LCP2: variants seen among roughly 807,000 people sequenced by gnomAD.
LCP2 encodes 76 kDa tyrosine phosphoprotein.
LCP2 carries 29 observed loss-of-function variants against 74.5 expected under a neutral mutation model. That is an observed-to-expected ratio of 0.39 (90% CI 0.29 to 0.53). The LOEUF (loss-of-function observed/expected upper bound fraction) is 0.53, where lower values mean the gene tolerates loss of function less well. Ranked by LOEUF, LCP2 falls within the 20% of genes least tolerant of loss-of-function variation. The pLI, the probability that LCP2 is intolerant of heterozygous loss-of-function variation, is 0.72. For missense variants in LCP2, 604 were observed against 634.6 expected, an observed-to-expected ratio of 0.95 and a Z score of 0.52; for synonymous variants, 228 against 229.5, an observed-to-expected ratio of 0.99 and a Z score of 0.06.
At chr5:170,255,867 A>G (rs937711688) in intron 17 of LCP2, among the ~76,000 whole-genome samples, 9 of 152,210 alleles carry the variant, frequency 5.9e-5, no homozygotes, top group Admixed American at 5.9e-4. Context: ...GAACACTCTA[A>G]GCGAATACTA....
Position 170,261,091 on chromosome 5 carries a change from G to T in LCP2, c.957+16C>A. ...TCCCTGTATCAAGCACTTACAAACT[G>T]ACATTTTGTACTTACATTCTCTCTT... On this transcript the variant is annotated intron_variant, in intron 14 of 20. Transcript: ENST00000046794. 1 of 1,585,940 alleles carries T rather than the reference G, an allele frequency of 6.3e-7. No individual in the cohort carries two copies. Among genetic ancestry groups the T allele is most frequent in the Non-Finnish European group, 8.7e-7 (1 of 1,154,808 alleles).
chr5:170,246,849 C>G lies in LCP2; in HGVS notation c.*1848G>C, dbSNP rs759647206. ...GCAAGGCCCAGCCAAAAGGAGTTGT[C>G]GGTGCTTGAACAGAGAGAGAATGCT... is the stretch of plus-strand genomic sequence containing the variant. On this transcript the variant is annotated 3_prime_UTR_variant, in exon 21 of 21. Transcript: ENST00000046794. The G allele has an allele frequency of 6.6e-6, 1 of 152,184 alleles. No individual in the cohort carries two copies. The highest frequency in any genetic ancestry group is 2.4e-5 in the African/African-American group (1 of 41,420). The allele number at this position is 152,184 out of a possible 1,614,324, so 9.4% of individuals were successfully genotyped here.
At chr5:170,261,898 TA>T (rs1226765921) in intron 13 of LCP2, among the ~76,000 whole-genome samples, 2 of 152,258 alleles carry the variant, frequency 1.3e-5, no homozygotes, top group Admixed American at 1.3e-4. Flanking sequence ...TTTTGTTCCT[TA>T]TGAGTTTGCT....
chr5:170,261,603 G>A (rs1761656471), intron 13 of LCP2, among the ~76,000 whole-genome samples: 1 of 152,154 alleles, frequency 6.6e-6, no homozygotes, highest in South Asian at 2.1e-4. Context: ...CTTTAAAACA[G>A]CCCTCTCAGG....
At chr5:170,284,758 T>A (rs1762155538) in intron 3 of LCP2, among the ~76,000 whole-genome samples, 1 of 151,506 alleles carries the variant, frequency 6.6e-6, no homozygotes, top group Non-Finnish European at 1.5e-5. Context: ...TGATGCTTTT[T>A]TTTTTTTTTT....
chr5:170,287,900 C>G (rs1401164276), intron 3 of LCP2, 70 bp downstream of exon 3: 1 of 1,395,504 alleles, frequency 7.2e-7, no homozygotes, highest in East Asian at 2.3e-5. Flanking sequence ...ACTGACCCAG[C>G]CCCCACTCAC....
chr5:170,272,597 CTTTTTTTTTTTTTTTT>C (rs61463939), intron 6 of LCP2, among the ~76,000 whole-genome samples: 12 of 40,356 alleles, frequency 3.0e-4, no homozygotes, highest in South Asian at 1.4e-3. Flanking sequence ...CAAATATTTT[CTTTTTTTTTTTTTTTT>C]TTTTTTTTTT....
At chr5:170,297,504 C>T in intron 1 of LCP2, 30 bp downstream of exon 1, 1 of 1,597,646 alleles carries the variant, frequency 6.3e-7, no homozygotes. Flanking sequence ...GCACTAGCAT[C>T]ATGACCATTC....
intron 2 of LCP2, among the ~76,000 whole-genome samples, chr5:170,288,588 TGTCAA>T (rs1762224869): frequency 6.6e-6 from 1 of 152,222 alleles, no homozygotes; most frequent in African/African-American, 2.4e-5. Context: ...AACTCATATT[TGTCAA>T]GAACTAACTC....
At chr5:170,273,920 C>CGGCGGGG (rs374257999) in intron 6 of LCP2, 1 of 85,864 alleles carries the variant, frequency 1.2e-5, no homozygotes, top group African/African-American at 3.3e-5. Flanking sequence ...TTTTTGGAGA[C>CGGCGGGG]GGGGGGGTAG....
intron 3 of LCP2, among the ~76,000 whole-genome samples, chr5:170,277,040 C>T (rs1293866002): frequency 1.4e-5 from 2 of 144,972 alleles, no homozygotes; most frequent in Non-Finnish European, 3.0e-5. Context: ...CACACCACTG[C>T]ACTCCAGCCT....
At chr5:170,249,674 CAT>C in intron 20 of LCP2, among the ~76,000 whole-genome samples, 1 of 152,284 alleles carries the variant, frequency 6.6e-6, no homozygotes, top group African/African-American at 2.4e-5. Context: ...CCTTCACACT[CAT>C]AAAGGCTCAG....
chr5:170,254,099 G>T (rs1157465028), intron 17 of LCP2, among the ~76,000 whole-genome samples: 5 of 152,058 alleles, frequency 3.3e-5, no homozygotes, highest in Non-Finnish European at 7.4e-5. Context: ...CTTGAGTAAG[G>T]TATCGTGTGT....
chr5:170,281,048 G>A (rs182781611), intron 3 of LCP2, among the ~76,000 whole-genome samples: 1 of 152,222 alleles, frequency 6.6e-6, no homozygotes, highest in East Asian at 1.9e-4. Context: ...TCTGAGGGAG[G>A]CATCTGTCTA....
chr5:170,266,992 G>A lies in LCP2; in HGVS notation c.688+17C>T. 2 of 1,613,876 alleles carry A rather than the reference G, an allele frequency of 1.2e-6. No homozygotes were observed. The highest frequency in any genetic ancestry group is 1.1e-5 in the South Asian group (1 of 91,088). On this transcript the variant is annotated intron_variant, in intron 9 of 20. Transcript: ENST00000046794. ...CCTGGTGGGAACAGGGCAAGAGAGAGCAGCCCTTGTACTCACGCTTTGCCG... is the reference window on the plus strand; with the variant it reads ...CCTGGTGGGAACAGGGCAAGAGAGAACAGCCCTTGTACTCACGCTTTGCCG...
rs560192609 is a variant in LCP2, at chr5:170,253,293, C to A, written c.1151-80G>T. On this transcript the variant is annotated intron_variant, in intron 17 of 20. Coordinates refer to ENST00000046794, the MANE Select transcript of LCP2 (RefSeq NM_005565.5). ...TATCAAAACACAAAACACATTCCCC[C>A]CACTCCCCCAAAAAAATACCCTTGC... 1.6e-5 allele frequency: 15 copies of A among 921,370 alleles called. No individual in the cohort carries two copies. The South Asian group carries it at 1.7e-4, about 11-fold the overall frequency. 57.1% of individuals were successfully genotyped at this position (921,370 alleles called of 1,614,324 possible).
At position 170,251,521 on chromosome 5, in the gene LCP2, A is replaced by C. The variant is rs569553826; in HGVS notation, c.1324-636T>G. On this transcript the variant is annotated intron_variant, in intron 19 of 20. Coordinates refer to ENST00000046794, the MANE Select transcript of LCP2 (RefSeq NM_005565.5). ...ATAATATTAATACTGTAAAGATCTA[A>C]TATTAAAATAGAATTAATTGGTAAG... 113 of 362,576 alleles carry C rather than the reference A, an allele frequency of 3.1e-4. 3 individuals carry two copies. Among genetic ancestry groups the C allele is most frequent in the South Asian group, 2.2e-3 (107 of 48,466 alleles). 22.5% of individuals were successfully genotyped at this position (362,576 alleles called of 1,614,324 possible).
chr5:170,285,679 A>G (rs73321971), intron 3 of LCP2, among the ~76,000 whole-genome samples: 39,173 of 152,098 alleles, frequency 0.26, 5,305 homozygotes, highest in East Asian at 0.38. Flanking sequence ...GGTAGAAATA[A>G]GCACCATTTC....
At chr5:170,267,276 T>C (rs1258794857) in intron 8 of LCP2, 2 of 606,632 alleles carry the variant, frequency 3.3e-6, no homozygotes, top group Non-Finnish European at 5.9e-6. Flanking sequence ...AGCTCTTTTC[T>C]GCAGGCAGCA....
Sources: gnomAD v4.1 joint callset for allele counts (sites outside exome capture counted in the v4.1 genomes callset) on GRCh38, gnomAD v4.1.1 for gene constraint, MANE v1.5 for transcripts, NCBI Gene and HGNC (gene_info 2026-07-23, HGNC 2026-07-21) for gene names.